The following LRRC37B variants were observed in gnomAD, a reference collection of about 807,000 sequenced individuals.
The protein encoded by LRRC37B is leucine rich repeat containing 37B, also known as leucine-rich repeat-containing protein 37B.
LRRC37B carries 28 observed loss-of-function variants against 98.3 expected under a neutral mutation model. That is an observed-to-expected ratio of 0.28 (90% CI 0.21 to 0.39). The LOEUF (loss-of-function observed/expected upper bound fraction) is 0.39. Ranked by LOEUF, LRRC37B falls within the 10% of genes least tolerant of loss-of-function variation. The probability of loss-of-function intolerance (pLI) is 1.00; values close to 1 mark genes in which losing one functional copy is unlikely to be tolerated. For synonymous variants in LRRC37B, 364 were observed against 442.7 expected (o/e 0.82, Z 2.23); for missense variants, 938 against 1,182.7 (o/e 0.79, Z 3.03).
intron 5 of LRRC37B, among the ~76,000 whole-genome samples, chr17:32,032,845 A>C (rs1911146813): frequency 6.6e-6 from 1 of 152,136 alleles, no homozygotes; most frequent in Non-Finnish European, 1.5e-5. Flanking sequence ...TTTACTAAGC[A>C]CTTTATAACA....
exon 1 of LRRC37B, chr17:32,021,408 C>G: frequency 6.2e-7 from 1 of 1,613,846 alleles, no homozygotes; most frequent in African/African-American, 1.3e-5. Flanking sequence ...AGCCCTGCCT[C>G]AGGAACCAAC....
At chr17:32,029,129 G>C (rs1475826117) in intron 3 of LRRC37B, among the ~76,000 whole-genome samples, 1 of 151,886 alleles carries the variant, frequency 6.6e-6, no homozygotes, top group African/African-American at 2.4e-5. Context: ...AACCTCCCGA[G>C]TAGCTGCAAC....
At chr17:32,020,639 G>A, upstream of LRRC37B, 1 of 403,104 alleles carries the variant, frequency 2.5e-6, no homozygotes, top group Non-Finnish European at 3.5e-6. Flanking sequence ...CAACATTTTG[G>A]AATAAATGAC....
intron 1 of LRRC37B, among the ~76,000 whole-genome samples, chr17:32,011,303 A>G (rs1000716461): frequency 6.7e-6 from 1 of 150,126 alleles, no homozygotes; most frequent in Non-Finnish European, 1.5e-5. Context: ...CCCGGATTTC[A>G]CTTTTTTAAT....
At chr17:32,048,660 G>A (rs187380903) in intron 9 of LRRC37B, among the ~76,000 whole-genome samples, 2 of 152,300 alleles carry the variant, frequency 1.3e-5, no homozygotes, top group Non-Finnish European at 1.5e-5. Flanking sequence ...ACTCACTCCC[G>A]TGTGGCCCAC....
intron 1 of LRRC37B, among the ~76,000 whole-genome samples, chr17:32,008,370 TCCC>T (rs745371133): frequency 6.6e-6 from 1 of 152,046 alleles, no homozygotes; most frequent in Admixed American, 6.6e-5. Context: ...TTGCTCCCCG[TCCC>T]CCCAACTCCC....
rs536589906 is a variant in LRRC37B, at chr17:32,030,652, C to G, written c.1905-4C>G. The G allele has an allele frequency of 1.4e-6, 2 of 1,448,302 alleles. No individual in the cohort carries two copies. The highest frequency in any genetic ancestry group is 1.4e-5 in the African/African-American group (1 of 71,410). The allele number at this position is 1,448,302 out of a possible 1,614,324, so 89.7% of individuals were successfully genotyped here. On this transcript the variant is annotated splice_region_variant and splice_polypyrimidine_tract_variant and intron_variant, in intron 3 of 11. Coordinates refer to ENST00000327564, the Ensembl canonical transcript of LRRC37B. ...AGGCAATATTTTCCTTTTATTTTTC[C>G]TAGAGATTTATCCTGCAATAAAATA...
chr17:32,027,509 G>T (rs1451779004), intron 2 of LRRC37B, among the ~76,000 whole-genome samples: 3 of 150,018 alleles, frequency 2.0e-5, no homozygotes, highest in South Asian at 4.2e-4. Flanking sequence ...GTGTGTGTGT[G>T]CTTGCCTGTG....
intron 7 of LRRC37B, among the ~76,000 whole-genome samples, chr17:32,044,849 CA>C (rs1911531361): frequency 6.6e-6 from 1 of 152,132 alleles, no homozygotes; most frequent in Non-Finnish European, 1.5e-5. Flanking sequence ...ATGATTTTGC[CA>C]CTGTACTTCA....
Position 32,024,756 on chromosome 17 carries a change from G to A in LRRC37B, c.1806G>A (p.Trp602Ter). ...TTTCATACCTTGATGGAAATGTATG[G>A]AAAGCATACAGTTGGACCGAGAAAC... The change falls in exon 2 of 12, where the codon TGG becomes TGA. Residue 602 changes from tryptophan (W) to a stop codon, truncating the protein, a stop_gained. Coordinates refer to ENST00000327564, the Ensembl canonical transcript of LRRC37B. LOFTEE classifies it high-confidence loss of function. 1 of 1,605,820 alleles carries A rather than the reference G, an allele frequency of 6.2e-7. No individual in the cohort carries two copies. The highest frequency in any genetic ancestry group is 1.1e-5 in the South Asian group (1 of 90,146).
chr17:32,043,090 G>T (rs1362162395), intron 7 of LRRC37B, among the ~76,000 whole-genome samples: 3 of 152,102 alleles, frequency 2.0e-5, no homozygotes, highest in Non-Finnish European at 4.4e-5. Context: ...CTCTCAAATG[G>T]TTTGTCCAGA....
exon 1 of LRRC37B, chr17:32,022,523 A>G (rs1910829301): frequency 3.7e-6 from 6 of 1,613,552 alleles, no homozygotes; most frequent in Non-Finnish European, 5.1e-6. Flanking sequence ...AACCCACTAC[A>G]GAGATTGGAC....
chr17:32,050,160 G>A (rs1331503408), intron 11 of LRRC37B, 53 bp downstream of exon 14: 1 of 1,006,550 alleles, frequency 9.9e-7, no homozygotes, highest in East Asian at 2.4e-5. Context: ...TGTTTGTGTG[G>A]ATTCAGAATC....
intron 9 of LRRC37B, 120 bp downstream of exon 12, chr17:32,048,021 C>A: frequency 1.3e-6 from 2 of 1,556,148 alleles, no homozygotes; most frequent in Non-Finnish European, 8.9e-7. Flanking sequence ...CACTGAACAG[C>A]TATTTTCAAA....
At chr17:32,021,901 C>T (rs1365491192) in exon 1 of LRRC37B, 1 of 1,614,180 alleles carries the variant, frequency 6.2e-7, no homozygotes. Flanking sequence ...CCAGGGCCTC[C>T]TGAGCAAGTT....
At chr17:32,046,265 G>C (rs2142261268) in intron 8 of LRRC37B, among the ~76,000 whole-genome samples, 1 of 152,356 alleles carries the variant, frequency 6.6e-6, no homozygotes, top group African/African-American at 2.4e-5. Context: ...TATAAGAGTA[G>C]AAGTGATGCT....
upstream of LRRC37B, chr17:32,020,689 T>G (rs1259986631): frequency 5.5e-6 from 2 of 365,692 alleles, no homozygotes; most frequent in Non-Finnish European, 4.2e-6. Context: ...CTGGCGCCCA[T>G]TTTGCAGGTC....
At position 32,047,297 on chromosome 17, in the gene LRRC37B, C is replaced by T. The variant is rs16972582; in HGVS notation, c.2324-464C>T. On this transcript the variant is annotated intron_variant, in intron 8 of 11. Transcript: ENST00000327564. ...CTCCACCCTGCTCCTCTCAGAGGAC[C>T]GCCTTTGATTGCATTCAGCTGCGAT... The T allele has an allele frequency of 8.4e-3, 1,792 of 214,066 alleles. 29 individuals are homozygous for T. The highest frequency in any genetic ancestry group is 0.038 in the African/African-American group (1,657 of 43,998). 13.3% of individuals were successfully genotyped at this position (214,066 alleles called of 1,614,324 possible).
chr17:32,036,949 G>C (rs1911259307), intron 7 of LRRC37B, among the ~76,000 whole-genome samples: 1 of 143,308 alleles, frequency 7.0e-6, no homozygotes, highest in Non-Finnish European at 1.5e-5. Context: ...CGTTGTATGA[G>C]AGTCACAGTT....
Sources: gnomAD v4.1 joint callset for allele counts (sites outside exome capture counted in the v4.1 genomes callset) on GRCh38, gnomAD v4.1.1 for gene constraint, MANE v1.5 for transcripts, NCBI Gene and HGNC (gene_info 2026-07-23, HGNC 2026-07-21) for gene names.